The following GABRB1 variants were observed in gnomAD, a reference collection of about 807,000 sequenced individuals.
GABRB1 encodes gamma-aminobutyric acid receptor subunit beta-1.
In GABRB1, 17 loss-of-function variants were observed where a neutral mutation model predicts 51.6. The observed-to-expected ratio is 0.33, with a 90% confidence interval of 0.23 to 0.49. The LOEUF is 0.49. GABRB1 is among the 20% of genes least tolerant of loss of function. The pLI, the probability that GABRB1 is intolerant of heterozygous loss-of-function variation, is 0.99. For synonymous variants in GABRB1, 247 were observed against 218.9 expected (o/e 1.13, Z -1.14); for missense variants, 410 against 600.6 (o/e 0.68, Z 3.32).
chr4:47,205,382 A>T (rs1276740750), intron 4 of GABRB1, among the ~76,000 whole-genome samples: 1 of 152,168 alleles, frequency 6.6e-6, no homozygotes, highest in Non-Finnish European at 1.5e-5. Context: ...TATGTCAATT[A>T]ATAAAATATG....
intron 4 of GABRB1, among the ~76,000 whole-genome samples, chr4:47,203,778 C>T (rs1720000195): frequency 6.6e-6 from 1 of 151,956 alleles, no homozygotes; most frequent in South Asian, 2.1e-4. Flanking sequence ...ATCACAGCTG[C>T]CCCCTCAGAG....
chr4:47,254,377 T>TG, intron 4 of GABRB1, among the ~76,000 whole-genome samples: 1 of 128,490 alleles, frequency 7.8e-6, no homozygotes, highest in African/African-American at 3.0e-5. Flanking sequence ...TTTTTTTTTT[T>TG]TTTTTTTTTT....
chr4:47,032,937 CCT>C, intron 3 of GABRB1: 1 of 328,218 alleles, frequency 3.0e-6, no homozygotes, highest in Non-Finnish European at 6.2e-6. Context: ...GCACCAAGGC[CCT>C]GCCACCGAGA....
At chr4:47,329,595 C>CCT (rs1443630159) in intron 5 of GABRB1, among the ~76,000 whole-genome samples, 3 of 147,028 alleles carry the variant, frequency 2.0e-5, no homozygotes, top group East Asian at 2.0e-4. Context: ...AATACTATTC[C>CCT]CTCTCTCTCT....
chr4:47,196,330 C>A (rs1228708028), intron 4 of GABRB1, among the ~76,000 whole-genome samples: 3 of 152,066 alleles, frequency 2.0e-5, no homozygotes, highest in Admixed American at 1.3e-4. Context: ...CCATCTAGGC[C>A]CAAGCACTTG....
At chr4:47,371,741 G>A (rs1029093900) in intron 5 of GABRB1, among the ~76,000 whole-genome samples, 1 of 152,062 alleles carries the variant, frequency 6.6e-6, no homozygotes, top group Non-Finnish European at 1.5e-5. Context: ...GCCTTGTTTT[G>A]AGAAATGCCT....
chr4:47,385,698 A>G (rs953059247), intron 5 of GABRB1, among the ~76,000 whole-genome samples: 1 of 152,146 alleles, frequency 6.6e-6, no homozygotes, highest in African/African-American at 2.4e-5. Flanking sequence ...GTCAGACTCC[A>G]CAGGTTTAAT....
At chr4:47,395,414 C>T (rs952885547) in intron 5 of GABRB1, among the ~76,000 whole-genome samples, 8 of 152,136 alleles carry the variant, frequency 5.3e-5, no homozygotes, top group Admixed American at 1.3e-4. Context: ...TTCGCTAACA[C>T]GAGAACAGCA....
At chr4:47,333,202 A>G (rs1416770848) in intron 5 of GABRB1, among the ~76,000 whole-genome samples, 522 of 4,528 alleles carry the variant, frequency 0.12, 17 homozygotes, top group African/African-American at 0.34. Context: ...ATTTATATAT[A>G]TATATATATA....
intron 5 of GABRB1, among the ~76,000 whole-genome samples, chr4:47,329,604 C>G (rs1332134164): frequency 1.3e-5 from 2 of 148,468 alleles, no homozygotes; most frequent in Non-Finnish European, 3.0e-5. Context: ...CCCTCTCTCT[C>G]TCTTGCTCTC....
intron 4 of GABRB1, among the ~76,000 whole-genome samples, chr4:47,265,813 A>T (rs1722622824): frequency 6.6e-6 from 1 of 151,502 alleles, no homozygotes; most frequent in South Asian, 2.1e-4. Flanking sequence ...GTTGTTGTTG[A>T]CTTGTTTGAA....
At chr4:47,107,994 T>G (rs887136125) in intron 3 of GABRB1, among the ~76,000 whole-genome samples, 5 of 152,122 alleles carry the variant, frequency 3.3e-5, no homozygotes, top group African/African-American at 1.2e-4. Flanking sequence ...TTATTTCCCA[T>G]TATTAGGGAA....
chr4:47,285,738 T>C (rs1015957389), intron 4 of GABRB1, among the ~76,000 whole-genome samples: 2 of 152,188 alleles, frequency 1.3e-5, no homozygotes, highest in Admixed American at 6.5e-5. Flanking sequence ...TGAAATAGCA[T>C]CTACATTTTA....
At chr4:46,995,789 A>C in intron 1 of GABRB1, among the ~76,000 whole-genome samples, 1 of 152,242 alleles carries the variant, frequency 6.6e-6, no homozygotes, top group Non-Finnish European at 1.5e-5. Flanking sequence ...GCTTTGGGGA[A>C]ACAGTTACAT....
rs571584508 is a variant in GABRB1, at chr4:47,039,098, T to C, written c.240+6614T>C. Among the ~76,000 whole-genome samples the C allele has an allele frequency of 2.0e-5, 3 of 152,178 alleles. No individual in the cohort carries two copies. The East Asian group carries it at 5.8e-4, about 29-fold the overall frequency. ...ATATGCTTAAGAAAATGTTTACGAT[T>C]AATTCATATCAGTGGTGAAATCTTA... On this transcript the variant is annotated intron_variant, in intron 3 of 8. Coordinates refer to ENST00000295454, the MANE Select transcript of GABRB1 (RefSeq NM_000812.4).
At chr4:47,143,712 C>T (rs1310397526) in intron 3 of GABRB1, among the ~76,000 whole-genome samples, 5 of 151,962 alleles carry the variant, frequency 3.3e-5, no homozygotes, top group Middle Eastern at 3.4e-3. Flanking sequence ...TTGGTCACCA[C>T]ATTCTAAATA....
chr4:47,107,541 T>C (rs1424707902), intron 3 of GABRB1, among the ~76,000 whole-genome samples: 1 of 152,140 alleles, frequency 6.6e-6, no homozygotes, highest in Non-Finnish European at 1.5e-5. Context: ...TGCTACTTTC[T>C]ATATGTGTGA....
intron 3 of GABRB1, among the ~76,000 whole-genome samples, chr4:47,112,621 T>C (rs1715272097): frequency 6.6e-6 from 1 of 152,330 alleles, no homozygotes; most frequent in South Asian, 2.1e-4. Context: ...AGAAAGTGCA[T>C]AGAGCCTGTC....
chr4:47,296,021 G>T (rs960344376), intron 4 of GABRB1, among the ~76,000 whole-genome samples: 7 of 152,156 alleles, frequency 4.6e-5, no homozygotes, highest in Admixed American at 4.6e-4. Flanking sequence ...CTTCATAAGT[G>T]AAGGAGAAAT....
Sources: allele counts gnomAD v4.1 joint callset (sites outside exome capture counted in the v4.1 genomes callset), GRCh38; gene constraint gnomAD v4.1.1; transcripts MANE v1.5; gene names NCBI Gene and HGNC (gene_info 2026-07-23, HGNC 2026-07-21).